Variants in NEB observed in about 807,000 individuals in gnomAD.
NEB encodes nebulin.
Under a neutral mutation model 952.2 loss-of-function variants are expected in NEB, and 512 were observed. That is an observed-to-expected ratio of 0.54 (90% confidence interval 0.50 to 0.58). NEB has a LOEUF of 0.58. Among genes scored for constraint, NEB ranks in the 20% least tolerant of loss-of-function variants. The pLI is 0.00. For synonymous variants in NEB, 2,900 were observed against 3,149.8 expected, an observed-to-expected ratio of 0.92 and a Z score of 2.66; for missense variants, 8,428 against 9,231.1, an observed-to-expected ratio of 0.91 and a Z score of 3.56.
At position 151,493,375 on chromosome 2, in the gene NEB, C is replaced by T. The variant is rs781388562; in HGVS notation, c.24743G>A (p.Arg8248His). 2.6e-5 allele frequency: 42 copies of T among 1,612,076 alleles called. No individual in the cohort carries two copies. The East Asian group carries it at 7.1e-4, about 27-fold the overall frequency. ...TACCGAGCTAATGTTTTCTTGGTTG[C>T]GCTTAGCTCTCTCCATCTCTGGAGT... ...PVTPEMERAK[R>H]NQENISSVLY... Residue 8248 changes from arginine (R) to histidine (H), a missense_variant, in exon 176 of 182, where the codon CGC becomes CAC. Around this residue, in one of 11 missense-constraint regions of NEB, gnomAD observed 3,374 missense variants for 3,651.5 expected, o/e 0.92. Coordinates refer to ENST00000397345, the MANE Select transcript of NEB (RefSeq NM_001164508.2).
At chr2:151,620,817 C>A in intron 72 of NEB, 102 bp downstream of exon 72, 1 of 828,764 alleles carries the variant, frequency 1.2e-6, no homozygotes, top group South Asian at 1.9e-5. Context: ...TTTGCCTATG[C>A]ACTGAAGGGA....
Position 151,724,245 on chromosome 2 carries a change from G to T in NEB, c.612+15C>A. On this transcript the variant is annotated intron_variant, in intron 8 of 181. Coordinates refer to ENST00000397345, the MANE Select transcript of NEB (RefSeq NM_001164508.2). The stretch of plus-strand genomic sequence containing the variant: ...GACATAGGAAGACAGAAGTGGCAAT[G>T]GAGCAGACCCTTACCTTGCTGAACA... 1 of 1,595,984 alleles carries T rather than the reference G, an allele frequency of 6.3e-7. No individual in the cohort carries two copies. The highest frequency in any genetic ancestry group is 8.6e-7 in the Non-Finnish European group (1 of 1,165,914).
Position 151,492,464 on chromosome 2 carries a change from T to C in NEB, c.24796A>G (p.Ile8266Val), listed in dbSNP as rs1168424960. The change falls in exon 177 of 182, where the codon ATA (isoleucine) becomes GTA (valine). Residue 8266 changes from isoleucine to valine, a missense_variant. By Grantham distance (29) the Ile-to-Val change is conservative. Around this residue, in one of 11 missense-constraint regions of NEB, gnomAD observed 3,374 missense variants for 3,651.5 expected, o/e 0.92. Coordinates refer to ENST00000397345, the MANE Select transcript of NEB (RefSeq NM_001164508.2). ...VLYSDSFRKQ[I>V]QGKAAYVLDT... is the part of the protein sequence containing the mutation. ...AATACATAGGCAGCTTTGCCTTGTA[T>C]TTGTTTCCGGAAACTATCAGAATAA... is the stretch of plus-strand genomic sequence containing the variant. The C allele has an allele frequency of 1.2e-6, 2 of 1,613,468 alleles. No homozygotes were observed. Among genetic ancestry groups the C allele is most frequent in the Non-Finnish European group, 1.7e-6 (2 of 1,179,628 alleles).
intron 10 of NEB, among the ~76,000 whole-genome samples, chr2:151,717,021 T>G (rs559977860): frequency 7.2e-5 from 11 of 152,214 alleles, no homozygotes; most frequent in Non-Finnish European, 1.6e-4. Context: ...ACATTCTTAT[T>G]TTTCCAAGTG....
chr2:151,514,488 CA>C, intron 158 of NEB, 60 bp from the exon 159 acceptor site: 1 of 1,308,328 alleles, frequency 7.6e-7, no homozygotes. Context: ...TTCTCTCAGG[CA>C]AAGAAGAAAA....
In NEB at chr2:151,491,704, G is replaced by T; in HGVS notation, c.25129C>A (p.Arg8377=). ...YDPAEDNIQS[R]SLHMINVQAQ... is the part of the protein sequence containing the mutation. ...ACACCATTAATCATGTGTAAGCTTC[G>T]GGACTGGATGTTGTCTTCTGCTGGA... Residue 8377 remains arginine, a synonymous_variant, in exon 179 of 182, where the codon CGA becomes AGA. Transcript: ENST00000397345. 6.3e-7 allele frequency: 1 copy of T among 1,596,104 alleles called. No homozygotes were observed. Among genetic ancestry groups the T allele is most frequent in the Non-Finnish European group, 8.5e-7 (1 of 1,170,670 alleles).
rs1043417017 is a variant in NEB, at chr2:151,664,434, T to TA, written c.5451+66dup. On this transcript the variant is annotated intron_variant, in intron 44 of 181. Coordinates refer to ENST00000397345, the MANE Select transcript of NEB (RefSeq NM_001164508.2). ...AATGGAGCTGACCACTGCTCCTACA[T>TA]ACACACAAGCTTAGCGCATTTGTTC... The TA allele has an allele frequency of 4.1e-6, 5 of 1,217,956 alleles. No individual in the cohort carries two copies. In the African/African-American group the frequency reaches 6.2e-5, roughly 15 times the overall value. 75.4% of individuals were successfully genotyped at this position (1,217,956 alleles called of 1,614,324 possible).
chr2:151,669,129 C>A lies in NEB; in HGVS notation c.4509G>T (p.Leu1503Phe). The change falls in exon 39 of 182, where the codon TTG becomes TTT. Residue 1503 changes from leucine (L) to phenylalanine (F), a missense_variant and splice_region_variant. By Grantham distance (22) the Leu-to-Phe change is conservative. Coordinates refer to ENST00000397345, the MANE Select transcript of NEB (RefSeq NM_001164508.2). ...GTTTCTCTCCCTCTACCTTGTAGTT[C>A]AACTAAAAACAAAGGAGACAGCATG... ...AQHNTKQLSD[L>F]NYKVEGEKLK... The A allele has an allele frequency of 6.4e-7, 1 of 1,556,056 alleles. No individual in the cohort carries two copies. The highest frequency in any genetic ancestry group is 1.2e-5 in the South Asian group (1 of 85,376).
intron 135 of NEB, among the ~76,000 whole-genome samples, chr2:151,545,305 G>A (rs113192566): frequency 0.044 from 6,744 of 152,280 alleles, 406 homozygotes; most frequent in East Asian, 0.19. Flanking sequence ...GCCAGGCGTG[G>A]TGGCTCACGC....
chr2:151,666,253 G>A lies in NEB; in HGVS notation c.4868C>T (p.Thr1623Ile), dbSNP rs775749613. 1 of 1,613,932 alleles carries A rather than the reference G, an allele frequency of 6.2e-7. No homozygotes were observed. Among genetic ancestry groups the A allele is most frequent in the African/African-American group, 1.3e-5 (1 of 75,022 alleles). ...CATATCCAGAGGTGTGTGGTACTTG[G>A]TCTTGCTGGCTTCATAGCCCTTTTT... ...EYKKGYEASKTKYHTPLDMVS... is the reference protein window; with the variant it reads ...EYKKGYEASKIKYHTPLDMVS... The change falls in exon 41 of 182, where the codon ACC becomes ATC. Residue 1623 changes from threonine (T) to isoleucine (I), a missense_variant. Coordinates refer to ENST00000397345, the MANE Select transcript of NEB (RefSeq NM_001164508.2).
At chr2:151,725,170 C>T (rs769995099) in intron 6 of NEB, among the ~76,000 whole-genome samples, 15 of 152,244 alleles carry the variant, frequency 9.9e-5, no homozygotes, top group Non-Finnish European at 1.8e-4. Flanking sequence ...CTCCAGCCTG[C>T]TGCTTCTTGG....
intron 107 of NEB, among the ~76,000 whole-genome samples, 152 bp downstream of exon 107, chr2:151,575,543 T>C (rs1435583867): frequency 6.6e-6 from 1 of 152,202 alleles, no homozygotes; most frequent in African/African-American, 2.4e-5. Flanking sequence ...ATCTCCTCCT[T>C]GCCTCACTCC....
At chr2:151,610,467 G>T in intron 80 of NEB, 49 bp downstream of exon 80, 1 of 1,426,670 alleles carries the variant, frequency 7.0e-7, no homozygotes, top group Non-Finnish European at 9.9e-7. Flanking sequence ...CACCCTCTGG[G>T]TTGTTCAGCA....
intron 157 of NEB, among the ~76,000 whole-genome samples, chr2:151,515,630 G>A (rs78414215): frequency 0.027 from 4,087 of 152,262 alleles, 72 homozygotes; most frequent in African/African-American, 0.047. Flanking sequence ...TCCAGACTTA[G>A]CTGACTCACA....
intron 125 of NEB, 67 bp from the exon 126 acceptor site, chr2:151,554,092 G>A (rs2095490159): frequency 6.7e-7 from 1 of 1,487,566 alleles, no homozygotes; most frequent in African/African-American, 1.4e-5. Flanking sequence ...CCATACATGA[G>A]AAGTCAGGCT....
rs1198700822 is a variant in NEB at position 151,565,121 on chromosome 2, C to A, written c.18394G>T (p.Ala6132Ser). 4 of 1,586,906 alleles carry A rather than the reference C, an allele frequency of 2.5e-6. No homozygotes were observed. Among genetic ancestry groups the A allele is most frequent in the Non-Finnish European group, 3.4e-6 (4 of 1,160,432 alleles). The change falls in exon 117 of 182, where the codon GCA becomes TCA. Residue 6132 changes from alanine to serine, a missense_variant. Ala to Ser is a moderately conservative substitution (Grantham distance 99, BLOSUM62 1). This residue lies in a region of NEB where 3,374 missense variants were observed against 3,651.5 expected (regional missense o/e 0.92). Coordinates refer to ENST00000397345, the MANE Select transcript of NEB (RefSeq NM_001164508.2). ...DVKYKETFNK[A>S]KGKYTFSPDT... is the part of the protein sequence containing the mutation. ...GGTGAAAACGTATATTTGCCCTTTG[C>A]TTTATTAAATGTTTCTTTATATTTT...
chr2:151,660,559 T>C (rs1026760131), intron 46 of NEB, among the ~76,000 whole-genome samples: 1 of 152,236 alleles, frequency 6.6e-6, no homozygotes, highest in Non-Finnish European at 1.5e-5. Context: ...GCTATCTCTT[T>C]GTTTTAGCCC....
chr2:151,614,736 A>T, intron 76 of NEB, 149 bp from the exon 77 acceptor site: 1 of 1,004,806 alleles, frequency 1.0e-6, no homozygotes, highest in Non-Finnish European at 1.4e-6. Flanking sequence ...TTAAAAGTCA[A>T]AACCTGAACC....
intron 9 of NEB, among the ~76,000 whole-genome samples, chr2:151,718,968 C>T (rs1181287921): frequency 6.6e-6 from 1 of 152,182 alleles, no homozygotes; most frequent in South Asian, 2.1e-4. Flanking sequence ...ATGCTGTTCC[C>T]TCTCCCCATC....
Sources: allele counts gnomAD v4.1 joint callset (sites outside exome capture counted in the v4.1 genomes callset), GRCh38; gene constraint gnomAD v4.1.1; regional missense constraint gnomAD v4.1.1; transcripts MANE v1.5; gene names NCBI Gene and HGNC (gene_info 2026-07-23, HGNC 2026-07-21).